The following MACF1 variants were observed in gnomAD, a reference collection of about 807,000 sequenced individuals.
MACF1 encodes the protein microtubule-actin cross-linking factor 1.
A neutral mutation model predicts 854.8 loss-of-function variants in MACF1; 193 were observed. The observed-to-expected ratio is 0.23, with a 90% CI of 0.20 to 0.25. MACF1 has a LOEUF of 0.25. Ranked by LOEUF, MACF1 falls within the 10% of genes least tolerant of loss-of-function variation. The pLI, the probability that MACF1 is intolerant of heterozygous loss-of-function variation, is 1.00. For missense variants in MACF1, 7,722 were observed against 8,929.1 expected (o/e 0.86, Z 5.45); for synonymous variants, 3,185 against 3,226.7 (o/e 0.99, Z 0.44).
At chr1:39,157,774 T>C (rs1202016042) in intron 2 of MACF1, among the ~76,000 whole-genome samples, 4 of 152,112 alleles carry the variant, frequency 2.6e-5, no homozygotes, top group Non-Finnish European at 5.9e-5. Flanking sequence ...TGGTGTGATC[T>C]TGGCTCACTG....
intron 11 of MACF1, 57 bp from the exon 12 acceptor site, chr1:39,285,025 CA>C: frequency 6.3e-7 from 1 of 1,593,790 alleles, no homozygotes; most frequent in East Asian, 2.2e-5. Flanking sequence ...AATAATAAAT[CA>C]AAACTGGGAC....
intron 58 of MACF1, among the ~76,000 whole-genome samples, chr1:39,397,547 C>T (rs538845067): frequency 2.7e-5 from 4 of 150,322 alleles, no homozygotes; most frequent in East Asian, 3.9e-4. Flanking sequence ...GGGCAACGAG[C>T]GAAACTTCGT....
intron 70 of MACF1, among the ~76,000 whole-genome samples, chr1:39,436,790 TTTCTC>T (rs1286447045): frequency 6.6e-6 from 1 of 152,206 alleles, no homozygotes; most frequent in African/African-American, 2.4e-5. Context: ...GTTTTGCTCT[TTTCTC>T]TCCTCTCTGC....
chr1:39,477,973 T>C (rs898875058), intron 97 of MACF1, among the ~76,000 whole-genome samples: 23 of 151,206 alleles, frequency 1.5e-4, no homozygotes, highest in Non-Finnish European at 3.0e-4. Flanking sequence ...TTTTTTTTTT[T>C]CCTGGCAGAG....
chr1:39,098,838 G>GCA (rs1641997518), intron 2 of MACF1, among the ~76,000 whole-genome samples: 1 of 152,216 alleles, frequency 6.6e-6, no homozygotes, highest in Non-Finnish European at 1.5e-5. Flanking sequence ...GAAGAGGGCA[G>GCA]CATGAGAGCA....
chr1:39,388,468 G>T lies in MACF1; in HGVS notation c.15626G>T (p.Cys5209Phe). The T allele has an allele frequency of 6.2e-7, 1 of 1,614,176 alleles. No individual in the cohort carries two copies. The highest frequency in any genetic ancestry group is 8.5e-7 in the Non-Finnish European group (1 of 1,180,030). ...KRELEALNKQ[C>F]GKLTERGKAR... Reference sequence around the variant, plus strand: ...GAGCTAGAAGCCCTGAACAAACAGTGTGGCAAACTGACAGAGAGGGGGAAA... The same window carrying T: ...GAGCTAGAAGCCCTGAACAAACAGTTTGGCAAACTGACAGAGAGGGGGAAA... The change falls in exon 58 of 101, where the codon TGT (cysteine) becomes TTT (phenylalanine). Residue 5209 changes from cysteine to phenylalanine, a missense_variant. Coordinates refer to ENST00000564288, the MANE Select transcript of MACF1 (RefSeq NM_001394062.1).
At chr1:39,118,886 C>T (rs1642613042) in intron 2 of MACF1, among the ~76,000 whole-genome samples, 1 of 152,162 alleles carries the variant, frequency 6.6e-6, no homozygotes, top group Admixed American at 6.5e-5. Context: ...GTCTCCTCCT[C>T]CTCCTCCTCT....
At chr1:39,302,578 G>A (rs1465564418) in intron 22 of MACF1, among the ~76,000 whole-genome samples, 3 of 152,138 alleles carry the variant, frequency 2.0e-5, no homozygotes, top group African/African-American at 4.8e-5. Flanking sequence ...ACAATGTTTT[G>A]ATTATTCACC....
chr1:39,284,249 C>G, intron 10 of MACF1, 64 bp downstream of exon 10: 1 of 1,589,930 alleles, frequency 6.3e-7, no homozygotes, highest in East Asian at 2.2e-5. Flanking sequence ...CCAAGCTTAT[C>G]ACTGCTGGCT....
intron 41 of MACF1, among the ~76,000 whole-genome samples, chr1:39,349,136 TATC>T (rs1647123503): frequency 6.6e-6 from 1 of 152,216 alleles, no homozygotes; most frequent in Admixed American, 6.5e-5. Context: ...ACTAAATTAT[TATC>T]ATCACCATTA....
At chr1:39,439,761 A>T (rs1644061058) in intron 72 of MACF1, among the ~76,000 whole-genome samples, 1 of 152,140 alleles carries the variant, frequency 6.6e-6, no homozygotes, top group South Asian at 2.1e-4. Context: ...ATGTGCCACC[A>T]TGCCTGGCTA....
At chr1:39,323,534 A>G (rs1646551636) in intron 33 of MACF1, among the ~76,000 whole-genome samples, 1 of 151,782 alleles carries the variant, frequency 6.6e-6, no homozygotes, top group African/African-American at 2.4e-5. Flanking sequence ...TAAAAACAAA[A>G]CTGTGTACTA....
intron 2 of MACF1, among the ~76,000 whole-genome samples, chr1:39,183,497 T>A (rs1396892740): frequency 6.6e-6 from 1 of 152,228 alleles, no homozygotes; most frequent in African/African-American, 2.4e-5. Flanking sequence ...ACTGTCACTG[T>A]CTTGAGCAGG....
chr1:39,353,279 C>G, intron 44 of MACF1, 48 bp downstream of exon 44: 1 of 1,425,002 alleles, frequency 7.0e-7, no homozygotes, highest in Non-Finnish European at 9.6e-7. Context: ...TCTCTCCTGC[C>G]CTGAGCAAGT....
chr1:39,295,438 A>G (rs1645880002), intron 19 of MACF1, among the ~76,000 whole-genome samples: 1 of 152,246 alleles, frequency 6.6e-6, no homozygotes, highest in Non-Finnish European at 1.5e-5. Context: ...CTATCCAGAC[A>G]GATCCTGACT....
At position 39,137,912 on chromosome 1, in the gene MACF1, A is replaced by G. The variant is rs1643224835; in HGVS notation, c.220+53474A>G. ...AACATGGAGAAACCCCATCTCTACT[A>G]AAAATACAGAAATTAGCCGGGCATG... On this transcript the variant is annotated intron_variant, in intron 2 of 93. Transcript: ENST00000361689. Among the ~76,000 whole-genome samples the G allele has an allele frequency of 2.0e-5, 3 of 151,856 alleles. No homozygotes were observed. The South Asian group carries it at 6.2e-4, about 32-fold the overall frequency.
chr1:39,419,798 AGTGTGTGTGT>A lies in MACF1; in HGVS notation c.15817-2541_15817-2532del, dbSNP rs3080664. ...CAGGCGTGCGCCACCATGCCTGGCT[AGTGTGTGTGT>A]GTGTGTGTGTGTGTGTGTGTGTGTG... is the stretch of plus-strand genomic sequence containing the variant. On this transcript the variant is annotated intron_variant, in intron 58 of 100. Transcript: ENST00000564288. 2.4e-3 allele frequency among the ~76,000 whole-genome samples: 312 copies of A among 131,044 alleles called. 3 individuals are homozygous for A. The highest frequency in any genetic ancestry group is 7.7e-3 in the African/African-American group (270 of 34,860). The allele number at this position is 131,044 out of a possible 152,430, so 86.0% of individuals were successfully genotyped here.
At chr1:39,168,346 A>C (rs1643903084) in intron 2 of MACF1, among the ~76,000 whole-genome samples, 1 of 152,118 alleles carries the variant, frequency 6.6e-6, no homozygotes, top group African/African-American at 2.4e-5. Context: ...TCCTTAACCT[A>C]TCTGATTGCT....
chr1:39,376,812 C>T (rs1649763247), intron 52 of MACF1, among the ~76,000 whole-genome samples: 1 of 151,946 alleles, frequency 6.6e-6, no homozygotes, highest in Admixed American at 6.6e-5. Context: ...ACCTCCTAGG[C>T]CCACGCAATC....
Sources: gnomAD v4.1 joint callset for allele counts (sites outside exome capture counted in the v4.1 genomes callset) on GRCh38, gnomAD v4.1.1 for gene constraint, MANE v1.5 for transcripts, NCBI Gene and HGNC (gene_info 2026-07-23, HGNC 2026-07-21) for gene names.